Variants in KCNQ5 observed in about 807,000 individuals in gnomAD.
The protein encoded by KCNQ5 is potassium voltage-gated channel subfamily KQT member 5.
KCNQ5 carries 30 observed loss-of-function variants against 98.2 expected under a neutral mutation model. That is an observed-to-expected ratio of 0.31 (90% CI 0.23 to 0.41). KCNQ5 has a LOEUF of 0.41. KCNQ5 is among the 10% of genes least tolerant of loss of function. KCNQ5 has a pLI of 1.00. For synonymous variants in KCNQ5, 458 were observed against 449.4 expected, an observed-to-expected ratio of 1.02 and a Z score of -0.24; for missense variants, 835 against 1,182.5, an observed-to-expected ratio of 0.71 and a Z score of 4.31.
intron 2 of KCNQ5, among the ~76,000 whole-genome samples, chr6:73,035,110 G>C (rs945530486): frequency 1.3e-5 from 2 of 152,040 alleles, no homozygotes; most frequent in Non-Finnish European, 2.9e-5. Context: ...TTCCGAAAGC[G>C]CTGGGATTAC....
intron 1 of KCNQ5, among the ~76,000 whole-genome samples, chr6:72,788,498 C>T (rs1278339330): frequency 6.6e-6 from 1 of 152,156 alleles, no homozygotes; most frequent in Admixed American, 6.5e-5. Flanking sequence ...GCTAAGGCAT[C>T]CTTTCACACT....
intron 1 of KCNQ5, among the ~76,000 whole-genome samples, chr6:72,888,377 G>T (rs551952085): frequency 1.3e-5 from 2 of 152,104 alleles, no homozygotes; most frequent in African/African-American, 4.8e-5. Context: ...TTAATATGAC[G>T]CTGTGCACAG....
intron 5 of KCNQ5, among the ~76,000 whole-genome samples, chr6:73,096,672 T>A (rs1210900623): frequency 3.3e-5 from 5 of 152,246 alleles, no homozygotes; most frequent in Admixed American, 2.0e-4. Context: ...TAGAAAGTGA[T>A]GCTATGATTT....
At chr6:72,695,294 A>G (rs954570846) in intron 1 of KCNQ5, among the ~76,000 whole-genome samples, 1 of 152,192 alleles carries the variant, frequency 6.6e-6, no homozygotes, top group African/African-American at 2.4e-5. Context: ...CTGTTTCAAA[A>G]GGACCTTAGT....
chr6:72,849,844 CAGT>C (rs1187996265), intron 1 of KCNQ5, among the ~76,000 whole-genome samples: 1 of 152,090 alleles, frequency 6.6e-6, no homozygotes, highest in African/African-American at 2.4e-5. Flanking sequence ...TCTCTCTACT[CAGT>C]GGTGGATTTA....
intron 1 of KCNQ5, among the ~76,000 whole-genome samples, chr6:72,807,534 G>A: frequency 6.6e-6 from 1 of 152,008 alleles, no homozygotes; most frequent in Non-Finnish European, 1.5e-5. Context: ...TTTAGTGACA[G>A]AGTTTTGCTC....
intron 1 of KCNQ5, among the ~76,000 whole-genome samples, chr6:72,933,888 T>C (rs1765789467): frequency 6.6e-6 from 1 of 152,172 alleles, no homozygotes; most frequent in Admixed American, 6.5e-5. Context: ...CCTGATCTCA[T>C]AGAATTTTTT....
chr6:73,189,765 G>A (rs1394400837), intron 11 of KCNQ5, among the ~76,000 whole-genome samples: 1 of 152,188 alleles, frequency 6.6e-6, no homozygotes, highest in African/African-American at 2.4e-5. Flanking sequence ...ATGGCATCAT[G>A]GAATTTGTTG....
rs972051745 is a variant in KCNQ5 at position 72,622,128 on chromosome 6, C to A, written c.-62C>A. ...TTCCTCCTTGAAACCCGCCGGCGCA[C>A]ATGAGGCCGCTGCCCCCGCCGCAGG... On this transcript the variant is annotated 5_prime_UTR_variant, in exon 1 of 14. Coordinates refer to ENST00000370398, the MANE Select transcript of KCNQ5 (RefSeq NM_019842.4). The surrounding 1 kb of genome is among the most constrained non-coding windows in gnomAD (Gnocchi z 6.0). The A allele has an allele frequency of 1.7e-6, 2 of 1,203,386 alleles. No homozygotes were observed. The highest frequency in any genetic ancestry group is 2.1e-6 in the Non-Finnish European group (2 of 967,936). 74.5% of individuals were successfully genotyped at this position (1,203,386 alleles called of 1,614,324 possible).
At chr6:73,143,630 C>A (rs570372883) in intron 10 of KCNQ5, 1 of 152,286 alleles carries the variant, frequency 6.6e-6, no homozygotes, top group East Asian at 1.9e-4. Context: ...ATAAGCCCTC[C>A]ACTGGATTTC....
At chr6:72,776,405 T>A (rs764542986) in intron 1 of KCNQ5, among the ~76,000 whole-genome samples, 1 of 152,216 alleles carries the variant, frequency 6.6e-6, no homozygotes, top group African/African-American at 2.4e-5. Flanking sequence ...TTATGAACAA[T>A]TACTTAGAGA....
At chr6:73,003,553 C>T (rs1769683689) in intron 1 of KCNQ5, among the ~76,000 whole-genome samples, 1 of 151,976 alleles carries the variant, frequency 6.6e-6, no homozygotes. Flanking sequence ...TGTGGATTCC[C>T]CAGATAGGAG....
chr6:73,146,365 C>T (rs1260217494), intron 10 of KCNQ5, among the ~76,000 whole-genome samples: 1 of 152,164 alleles, frequency 6.6e-6, no homozygotes, highest in Admixed American at 6.5e-5. Context: ...TGGCTCACAC[C>T]TGTGATCCCC....
chr6:72,985,433 C>T (rs1189770633), intron 1 of KCNQ5, among the ~76,000 whole-genome samples: 1 of 152,132 alleles, frequency 6.6e-6, no homozygotes, highest in African/African-American at 2.4e-5. Flanking sequence ...CCCCTGTCCC[C>T]AAAAAGGACT....
chr6:73,158,365 C>G (rs1777468400), intron 10 of KCNQ5, among the ~76,000 whole-genome samples: 2 of 150,740 alleles, frequency 1.3e-5, no homozygotes, highest in Non-Finnish European at 1.5e-5. Flanking sequence ...CTCCCGGGTT[C>G]GAACGATTCT....
intron 2 of KCNQ5, among the ~76,000 whole-genome samples, chr6:73,035,018 T>G (rs1287087967): frequency 6.6e-6 from 1 of 150,470 alleles, no homozygotes; most frequent in African/African-American, 2.5e-5. Context: ...GCTAATTTTT[T>G]GTATTTTTAG....
At chr6:73,031,349 T>A (rs543641929) in intron 2 of KCNQ5, among the ~76,000 whole-genome samples, 25 of 152,328 alleles carry the variant, frequency 1.6e-4, no homozygotes, top group African/African-American at 5.8e-4. Flanking sequence ...CACCCTCTCA[T>A]TGCAATTAGT....
chr6:72,639,268 G>T (rs1460671576), intron 1 of KCNQ5, among the ~76,000 whole-genome samples: 1 of 152,184 alleles, frequency 6.6e-6, no homozygotes, highest in African/African-American at 2.4e-5. Flanking sequence ...TCTCTCAAAG[G>T]ATTGCAATGG....
At chr6:72,764,603 G>A (rs1772469829) in intron 1 of KCNQ5, among the ~76,000 whole-genome samples, 1 of 151,892 alleles carries the variant, frequency 6.6e-6, no homozygotes, top group South Asian at 2.1e-4. Context: ...TATCCATTGG[G>A]TTGCAAACAA....
Sources: gnomAD v4.1 joint callset for allele counts (sites outside exome capture counted in the v4.1 genomes callset) on GRCh38, gnomAD v4.1.1 for gene constraint, Gnocchi (gnomAD v3.1) non-coding constraint, MANE v1.5 for transcripts, NCBI Gene and HGNC (gene_info 2026-07-23, HGNC 2026-07-21) for gene names.